The following TULP4 variants were observed in gnomAD, a reference collection of about 807,000 sequenced individuals.
TULP4 encodes TUB like protein 4.
TULP4 carries 16 observed loss-of-function variants against 129.0 expected under a neutral mutation model. The observed-to-expected ratio is 0.12, with a 90% CI of 0.08 to 0.19. The LOEUF (loss-of-function observed/expected upper bound fraction) is 0.19, where lower values mean the gene tolerates loss of function less well. Among genes scored for constraint, TULP4 ranks in the 10% least tolerant of loss-of-function variants. TULP4 has a pLI of 1.00. For missense variants in TULP4, 1,842 were observed against 2,059.1 expected (o/e 0.89, Z 2.04); for synonymous variants, 998 against 854.0 (o/e 1.17, Z -2.94).
chr6:158,365,987 G>C (rs187545249), intron 1 of TULP4, among the ~76,000 whole-genome samples: 1,354 of 127,792 alleles, frequency 0.011, 17 homozygotes, highest in East Asian at 0.049. Context: ...ACTGCAAGCT[G>C]CACCTCCCAG....
intron 1 of TULP4, among the ~76,000 whole-genome samples, chr6:158,352,585 T>C (rs991789957): frequency 6.6e-6 from 1 of 152,106 alleles, no homozygotes; most frequent in African/African-American, 2.4e-5. Flanking sequence ...TTAGTAGAGC[T>C]GGGGTTTCAC....
At chr6:158,431,823 G>A (rs953469288) in intron 3 of TULP4, among the ~76,000 whole-genome samples, 4 of 152,150 alleles carry the variant, frequency 2.6e-5, no homozygotes, top group Non-Finnish European at 5.9e-5. Context: ...TGGAGGCCAT[G>A]CTGACGTGCC....
chr6:158,427,470 C>CTTTTTTTTTTTTTTTT lies in TULP4; in HGVS notation c.382-2266_382-2265insTTTTTTTTTTTTTTTT, dbSNP rs1251385882. ...CAAATTCCTTTTCAAAATTATCAGACCTTTTTTTTTTTTTTTTTTTTTTTT... is the reference window on the plus strand; with the variant it reads ...CAAATTCCTTTTCAAAATTATCAGACTTTTTTTTTTTTTTTTCTTTTTTTTTTTTTTTTTTTTTTTT... On this transcript the variant is annotated intron_variant, in intron 2 of 13. Coordinates refer to ENST00000367097, the MANE Select transcript of TULP4 (RefSeq NM_020245.5). Among the ~76,000 whole-genome samples the CTTTTTTTTTTTTTTTT allele has an allele frequency of 1.5e-4, 15 of 100,682 alleles. 1 individual carries two copies. The highest frequency in any genetic ancestry group is 3.7e-4 in the South Asian group (1 of 2,706). The allele number at this position is 100,682 out of a possible 152,430, so 66.1% of individuals were successfully genotyped here.
At chr6:158,423,121 G>A (rs980950281) in intron 2 of TULP4, among the ~76,000 whole-genome samples, 18 of 48,650 alleles carry the variant, frequency 3.7e-4, no homozygotes, top group Non-Finnish European at 4.7e-4. Flanking sequence ...CCACAAAAAA[G>A]AGGGGGGGGG....
chr6:158,400,648 C>G (rs945306783), intron 1 of TULP4, among the ~76,000 whole-genome samples: 1 of 152,070 alleles, frequency 6.6e-6, no homozygotes, highest in Non-Finnish European at 1.5e-5. Flanking sequence ...CTTGTTTTTG[C>G]TTATGCTTAA....
intron 1 of TULP4, among the ~76,000 whole-genome samples, chr6:158,392,025 A>G (rs1003557843): frequency 6.6e-6 from 1 of 152,208 alleles, no homozygotes; most frequent in African/African-American, 2.4e-5. Flanking sequence ...GTTCATTTTC[A>G]TGCTGCTGAA....
rs146170860 is a variant in TULP4, at chr6:158,285,690, G to A, written n.116+3312G>A. On this transcript the variant is annotated intron_variant and non_coding_transcript_variant, in intron 1 of 1. Coordinates refer to the TULP4 transcript ENST00000432358. ...GAAGTGCATCCATTTGTATGGGCAC[G>A]GGTCCATTGTTAGCTTTGTTCCCCT... 3.9e-3 allele frequency among the ~76,000 whole-genome samples: 589 copies of A among 152,306 alleles called. 5 individuals carry two copies. The highest frequency in any genetic ancestry group is 8.5e-3 in the South Asian group (41 of 4,820).
upstream of TULP4, among the ~76,000 whole-genome samples, chr6:158,280,028 C>T (rs763460400): frequency 6.6e-6 from 1 of 152,182 alleles, no homozygotes; most frequent in Admixed American, 6.5e-5. Flanking sequence ...CTTTCTCCAT[C>T]CATAACTGGG....
At chr6:158,411,509 C>G (rs1389147253) in intron 1 of TULP4, among the ~76,000 whole-genome samples, 2 of 152,182 alleles carry the variant, frequency 1.3e-5, no homozygotes, top group African/African-American at 2.4e-5. Context: ...ATCACCAGGT[C>G]TCAAAAGATT....
intron 1 of TULP4, chr6:158,398,041 T>C (rs1777757745): frequency 6.6e-6 from 1 of 152,190 alleles, no homozygotes. Context: ...TTTTTTCATA[T>C]ATTATGGAAA....
At chr6:158,300,429 T>C (rs1779112814) in intron 1 of TULP4, among the ~76,000 whole-genome samples, 2 of 152,224 alleles carry the variant, frequency 1.3e-5, no homozygotes, top group African/African-American at 4.8e-5. Context: ...TAAATTATGC[T>C]TTTGTTGCTC....
chr6:158,504,304 G>C, intron 13 of TULP4, 126 bp downstream of exon 13: 2 of 769,762 alleles, frequency 2.6e-6, no homozygotes, highest in African/African-American at 1.8e-5. Context: ...CTCTTAGGTG[G>C]AGCTCATGGG....
chr6:158,449,208 A>G, intron 4 of TULP4, 32 bp downstream of exon 4: 1 of 1,587,564 alleles, frequency 6.3e-7, no homozygotes, highest in South Asian at 1.2e-5. Context: ...CTTGTCACTG[A>G]CCAGAAGGAC....
At chr6:158,422,813 C>G (rs999454617) in intron 2 of TULP4, among the ~76,000 whole-genome samples, 2 of 152,218 alleles carry the variant, frequency 1.3e-5, no homozygotes, top group Non-Finnish European at 1.5e-5. Flanking sequence ...CCCTCCCACC[C>G]CAGCCTTTAA....
At chr6:158,330,290 CCA>C (rs1462559164) in intron 1 of TULP4, among the ~76,000 whole-genome samples, 1 of 152,162 alleles carries the variant, frequency 6.6e-6, no homozygotes, top group Admixed American at 6.5e-5. Flanking sequence ...TGGCAGAGCT[CCA>C]TGCTTACCCA....
intron 1 of TULP4, among the ~76,000 whole-genome samples, chr6:158,249,637 A>G (rs1162424653): frequency 1.3e-5 from 2 of 152,210 alleles, no homozygotes; most frequent in African/African-American, 2.4e-5. Flanking sequence ...CACAACTTCA[A>G]TGGCTGTGAC....
chr6:158,437,985 T>G (rs930735912), intron 3 of TULP4: 3 of 152,058 alleles, frequency 2.0e-5, no homozygotes, highest in African/African-American at 7.3e-5. Context: ...AGTCAGAAAC[T>G]CCCATTAAAA....
chr6:158,380,910 A>AAAAAAG (rs779845034), intron 1 of TULP4, among the ~76,000 whole-genome samples: 157 of 135,098 alleles, frequency 1.2e-3, no homozygotes, highest in African/African-American at 3.5e-3. Context: ...AAAAAAAAAA[A>AAAAAAG]AAGAAGAAGA....
chr6:158,478,811 T>A (rs926581877), intron 6 of TULP4, among the ~76,000 whole-genome samples: 2 of 152,210 alleles, frequency 1.3e-5, no homozygotes, highest in Non-Finnish European at 1.5e-5. Flanking sequence ...GATTTTTTTT[T>A]ATTATAAGAA....
Sources: gnomAD v4.1 joint callset for allele counts (sites outside exome capture counted in the v4.1 genomes callset) on GRCh38, gnomAD v4.1.1 for gene constraint, MANE v1.5 for transcripts, NCBI Gene and HGNC (gene_info 2026-07-23, HGNC 2026-07-21) for gene names.